The following TAFA4 variants were observed in gnomAD, a reference collection of about 807,000 sequenced individuals.
TAFA4 encodes the protein TAFA chemokine like family member 4.
In TAFA4, 20 loss-of-function variants were observed where a neutral mutation model predicts 21.1. That is an observed-to-expected ratio of 0.95 (90% CI 0.67 to 1.38). TAFA4 has a LOEUF of 1.38. Ranked by LOEUF, TAFA4 falls within the 40% of genes most tolerant of loss-of-function variation. The pLI is 0.00. For missense variants in TAFA4, 211 were observed against 180.9 expected (o/e 1.17, Z -0.95); for synonymous variants, 71 against 67.4 (o/e 1.05, Z -0.26).
At chr3:68,921,629 G>A (rs1358132025) in intron 1 of TAFA4, among the ~76,000 whole-genome samples, 1 of 152,076 alleles carries the variant, frequency 6.6e-6, no homozygotes, top group Non-Finnish European at 1.5e-5. Flanking sequence ...CTAAATCTTC[G>A]ATTATTCCCA....
intron 3 of TAFA4, among the ~76,000 whole-genome samples, chr3:68,869,405 T>C (rs1483799365): frequency 2.0e-5 from 3 of 151,664 alleles, no homozygotes; most frequent in East Asian, 1.9e-4. Context: ...AAGGACACAA[T>C]GAAAAGAAAA....
At chr3:68,745,700 C>G (rs1470260463) in intron 4 of TAFA4, among the ~76,000 whole-genome samples, 1 of 152,088 alleles carries the variant, frequency 6.6e-6, no homozygotes, top group Non-Finnish European at 1.5e-5. Flanking sequence ...ATTCTTTTCC[C>G]AAATAAACAT....
intron 1 of TAFA4, among the ~76,000 whole-genome samples, chr3:68,930,858 C>T (rs1307174198): frequency 1.3e-5 from 2 of 152,214 alleles, no homozygotes; most frequent in Non-Finnish European, 2.9e-5. Flanking sequence ...CATTTGTTCT[C>T]AGTGACTGAG....
chr3:68,767,315 C>G (rs1359392634), intron 3 of TAFA4, among the ~76,000 whole-genome samples: 1 of 151,908 alleles, frequency 6.6e-6, no homozygotes, highest in African/African-American at 2.4e-5. Flanking sequence ...AAAGGAAGCC[C>G]CAGACTCAGT....
At chr3:68,893,015 G>A (rs1011534156) in intron 1 of TAFA4, among the ~76,000 whole-genome samples, 11 of 152,208 alleles carry the variant, frequency 7.2e-5, no homozygotes, top group East Asian at 3.9e-4. Context: ...AAATGTTAAC[G>A]GTAATGACAA....
rs1347912773 is a variant in TAFA4, at chr3:68,901,600, G to C, written c.-122-16290C>G. On this transcript the variant is annotated intron_variant, in intron 1 of 5. Transcript: ENST00000295569. ...AATCAAGTTCATCAGTTCCAGGAAC[G>C]ATATATCAAGTGCTCAATAGCTCCA... Among the ~76,000 whole-genome samples the C allele has an allele frequency of 2.0e-5, 3 of 152,108 alleles. No individual in the cohort carries two copies. The South Asian group carries it at 6.2e-4, about 32-fold the overall frequency.
intron 3 of TAFA4, among the ~76,000 whole-genome samples, chr3:68,811,798 C>T (rs570757980): frequency 6.6e-6 from 1 of 152,284 alleles, no homozygotes; most frequent in South Asian, 2.1e-4. Context: ...GGCAGGCCAA[C>T]ATTCAAATTC....
At chr3:68,907,069 A>C (rs1393703303) in intron 1 of TAFA4, among the ~76,000 whole-genome samples, 3 of 146,326 alleles carry the variant, frequency 2.1e-5, no homozygotes, top group East Asian at 2.1e-4. Flanking sequence ...CAGGGGTGGA[A>C]GGGGAGAAAG....
intron 3 of TAFA4, among the ~76,000 whole-genome samples, chr3:68,843,625 G>A (rs1704719973): frequency 6.6e-6 from 1 of 152,140 alleles, no homozygotes; most frequent in Admixed American, 6.5e-5. Context: ...TCCACGTTTT[G>A]CCATTCAGCA....
Position 68,921,166 on chromosome 3 carries a change from C to T in TAFA4, c.-123+11074G>A, listed in dbSNP as rs144911873. ...TAGTCGCACGCAACACCCTGCTGCC[C>T]GCAAGAGGGGATCACAGTTCCACAA... On this transcript the variant is annotated intron_variant, in intron 1 of 5. Coordinates refer to ENST00000295569, the MANE Select transcript of TAFA4 (RefSeq NM_182522.5). Among the ~76,000 whole-genome samples the T allele has an allele frequency of 2.0e-3, 302 of 152,096 alleles. 1 individual carries two copies. Among genetic ancestry groups the T allele is most frequent in the African/African-American group, 6.9e-3 (288 of 41,484 alleles).
chr3:68,821,338 T>TAAGAGAAAACAAGTCCTGAATGATACGC lies in TAFA4; in HGVS notation c.130+59391_130+59392insGCGTATCATTCAGGACTTGTTTTCTCTT, dbSNP rs1559532886. ...GACAACCTCCCTGCTTTTTTTTTTT[T>TAAGAGAAAACAAGTCCTGAATGATACGC]TTTTTTTTTTTTTTTTTTTTTTTTT... On this transcript the variant is annotated intron_variant, in intron 3 of 5. Transcript: ENST00000295569. 1.2e-3 allele frequency among the ~76,000 whole-genome samples: 7 copies of TAAGAGAAAACAAGTCCTGAATGATACGC among 5,772 alleles called. 1 individual carries two copies. Among genetic ancestry groups the TAAGAGAAAACAAGTCCTGAATGATACGC allele is most frequent in the Admixed American group, 2.1e-3 (1 of 480 alleles). 3.8% of individuals were successfully genotyped at this position (5,772 alleles called of 152,430 possible).
intron 3 of TAFA4, among the ~76,000 whole-genome samples, chr3:68,878,282 C>T (rs1298520409): frequency 6.6e-6 from 1 of 152,148 alleles, no homozygotes; most frequent in Admixed American, 6.5e-5. Flanking sequence ...TTCTCAGCTC[C>T]ATCAGAAAAC....
At chr3:68,843,058 C>G (rs1055690214) in intron 3 of TAFA4, among the ~76,000 whole-genome samples, 7 of 152,210 alleles carry the variant, frequency 4.6e-5, no homozygotes, top group African/African-American at 1.4e-4. Context: ...GTACTTTTTT[C>G]TAATTCTGTG....
Position 68,733,118 on chromosome 3 carries a change from G to T in TAFA4, c.*24C>A. On this transcript the variant is annotated 3_prime_UTR_variant, in exon 6 of 6. Transcript: ENST00000295569. The stretch of plus-strand genomic sequence containing the variant: ...GCTCCGCCTCCTGCTGCCCCTCCAG[G>T]ATTGAAGCACACCTCTCTCTTCGCT... The T allele has an allele frequency of 1.2e-6, 2 of 1,612,728 alleles. No individual in the cohort carries two copies. Among genetic ancestry groups the T allele is most frequent in the Non-Finnish European group, 1.7e-6 (2 of 1,179,230 alleles).
intron 3 of TAFA4, among the ~76,000 whole-genome samples, chr3:68,851,435 C>T (rs925537890): frequency 2.0e-5 from 3 of 151,978 alleles, no homozygotes; most frequent in African/African-American, 4.8e-5. Context: ...AGCAAACCAC[C>T]GTGGCACACA....
intron 5 of TAFA4, among the ~76,000 whole-genome samples, chr3:68,737,485 T>C (rs113386863): frequency 0.017 from 2,532 of 152,232 alleles, 53 homozygotes; most frequent in East Asian, 0.068. Context: ...CTAACAAGGA[T>C]AAGTTAGTTG....
intron 3 of TAFA4, among the ~76,000 whole-genome samples, chr3:68,831,143 A>G (rs1221994953): frequency 6.6e-6 from 1 of 152,070 alleles, no homozygotes; most frequent in South Asian, 2.1e-4. Context: ...TCTTTATCCA[A>G]TTTGCCAGTC....
chr3:68,905,464 G>A lies in TAFA4; in HGVS notation c.-122-20154C>T, dbSNP rs368341497. On this transcript the variant is annotated intron_variant, in intron 1 of 5. Transcript: ENST00000295569. ...ATTACAGGTGTGAGCCACTGCGCCC[G>A]GCCGGTCTCTGCTTTCATACTCCTT... is the stretch of plus-strand genomic sequence containing the variant. 1.3e-3 allele frequency among the ~76,000 whole-genome samples: 193 copies of A among 152,182 alleles called. 2 individuals carry two copies. The highest frequency in any genetic ancestry group is 4.4e-3 in the African/African-American group (181 of 41,524).
intron 3 of TAFA4, among the ~76,000 whole-genome samples, chr3:68,807,146 T>C (rs1462128968): frequency 6.6e-6 from 1 of 152,200 alleles, no homozygotes; most frequent in African/African-American, 2.4e-5. Flanking sequence ...GGGCAGCTAA[T>C]CCACAGGCTG....
Sources: gnomAD v4.1 joint callset for allele counts (sites outside exome capture counted in the v4.1 genomes callset) on GRCh38, gnomAD v4.1.1 for gene constraint, MANE v1.5 for transcripts, NCBI Gene and HGNC (gene_info 2026-07-23, HGNC 2026-07-21) for gene names.